Variants in AMZ2 observed in about 807,000 individuals in gnomAD.
The protein encoded by AMZ2 is archaelysin family metallopeptidase 2.
In AMZ2, 26 loss-of-function variants were observed where a neutral mutation model predicts 36.7. That is an observed-to-expected ratio of 0.71 (90% CI 0.52 to 0.98). The LOEUF (loss-of-function observed/expected upper bound fraction) is 0.98. AMZ2 is among the 50% of genes least tolerant of loss of function. The pLI, the probability that AMZ2 is intolerant of heterozygous loss-of-function variation, is 0.00. For synonymous variants in AMZ2, 144 were observed against 149.1 expected, an observed-to-expected ratio of 0.97 and a Z score of 0.25; for missense variants, 394 against 430.5, an observed-to-expected ratio of 0.92 and a Z score of 0.75.
chr17:68,216,187 G>A (rs1312692553), intron 1 of AMZ2, among the ~76,000 whole-genome samples: 1 of 152,148 alleles, frequency 6.6e-6, no homozygotes, highest in African/African-American at 2.4e-5. Flanking sequence ...AGGCTAGAGT[G>A]CAGTGGCATG....
At chr17:68,208,703 C>T (rs1555725012) in intron 1 of AMZ2, among the ~76,000 whole-genome samples, 1 of 152,198 alleles carries the variant, frequency 6.6e-6, no homozygotes, top group African/African-American at 2.4e-5. Flanking sequence ...TCCACACTGC[C>T]TTTACGAGCT....
At chr17:68,251,016 AC>A (rs1202713717) in intron 3 of AMZ2, 33 bp from the exon 4 acceptor site, 21 of 1,607,328 alleles carry the variant, frequency 1.3e-5, no homozygotes, top group Non-Finnish European at 2.5e-6. Flanking sequence ...TATATAATAT[AC>A]ACTCATACAT....
intron 1 of AMZ2, among the ~76,000 whole-genome samples, chr17:68,237,043 A>G (rs2073806577): frequency 6.6e-6 from 1 of 152,194 alleles, no homozygotes; most frequent in Non-Finnish European, 1.5e-5. Flanking sequence ...ATGACTACAT[A>G]ATATTTTATT....
At chr17:68,248,033 G>A (rs2074119170), upstream of AMZ2, 1 of 986,486 alleles carries the variant, frequency 1.0e-6, no homozygotes, top group Non-Finnish European at 1.2e-6. Flanking sequence ...CAGTGGGCGT[G>A]GCGTGGCGCA....
intron 1 of AMZ2, among the ~76,000 whole-genome samples, chr17:68,241,732 A>G (rs1395203078): frequency 8.0e-5 from 12 of 150,786 alleles, no homozygotes; most frequent in African/African-American, 2.9e-4. Context: ...TATTACTATT[A>G]TTATTATTAT....
intron 1 of AMZ2, among the ~76,000 whole-genome samples, chr17:68,222,015 A>G (rs2144549439): frequency 6.6e-6 from 1 of 152,376 alleles, no homozygotes; most frequent in South Asian, 2.1e-4. Context: ...AGGAAAAGCA[A>G]GATAGCTGAG....
In AMZ2 at chr17:68,210,332, C is replaced by T. The variant is rs1307733945; in HGVS notation, c.-67+4094C>T. Among the ~76,000 whole-genome samples the T allele has an allele frequency of 3.9e-5, 6 of 152,172 alleles. No homozygotes were observed. The East Asian group carries it at 9.6e-4, about 24-fold the overall frequency. The stretch of plus-strand genomic sequence containing the variant: ...ATGGATAACCCAAATGTGATTGATC[C>T]ATATAACAGATACATTATTCAGCCT... On this transcript the variant is annotated intron_variant, in intron 1 of 7. Coordinates refer to the AMZ2 transcript ENST00000674770.
intron 1 of AMZ2, among the ~76,000 whole-genome samples, chr17:68,236,245 C>T (rs1325405846): frequency 1.3e-5 from 2 of 151,944 alleles, no homozygotes; most frequent in African/African-American, 2.4e-5. Flanking sequence ...TTTATATGCA[C>T]ATTATATATA....
chr17:68,217,856 A>T (rs1480577412), intron 1 of AMZ2, among the ~76,000 whole-genome samples: 8 of 142,730 alleles, frequency 5.6e-5, no homozygotes, highest in Non-Finnish European at 1.2e-4. Context: ...TCTGTCGCCC[A>T]GGCTGGAGTA....
chr17:68,218,372 T>G (rs1465027396), intron 1 of AMZ2, among the ~76,000 whole-genome samples: 4 of 151,154 alleles, frequency 2.6e-5, no homozygotes, highest in African/African-American at 9.7e-5. Flanking sequence ...TTTTTTTTTG[T>G]AGAGACAGAG....
At chr17:68,208,734 C>T (rs1256953673) in intron 1 of AMZ2, among the ~76,000 whole-genome samples, 1 of 152,214 alleles carries the variant, frequency 6.6e-6, no homozygotes, top group Non-Finnish European at 1.5e-5. Context: ...CCGCGACGGT[C>T]TGCAGCTTCA....
chr17:68,246,618 AAC>A (rs368571309), upstream of AMZ2: 5 of 152,180 alleles, frequency 3.3e-5, no homozygotes, highest in African/African-American at 1.2e-4. Context: ...AAACTTTGAG[AAC>A]AGTCATGGTA....
At chr17:68,221,038 C>A (rs2144541697) in intron 1 of AMZ2, among the ~76,000 whole-genome samples, 1 of 152,092 alleles carries the variant, frequency 6.6e-6, no homozygotes. Context: ...CCCGCCTCGG[C>A]CCCGCAAAGT....
chr17:68,209,628 A>ATTTTTTTTTTTTTTTT (rs1322446681), intron 1 of AMZ2, among the ~76,000 whole-genome samples: 6 of 98,510 alleles, frequency 6.1e-5, no homozygotes, highest in African/African-American at 2.5e-4. Flanking sequence ...ATATATATAT[A>ATTTTTTTTTTTTTTTT]TATATTTTTT....
chr17:68,215,939 A>C (rs1555727135), intron 1 of AMZ2, among the ~76,000 whole-genome samples: 2 of 152,074 alleles, frequency 1.3e-5, no homozygotes, highest in Non-Finnish European at 2.9e-5. Flanking sequence ...CTCATTACAC[A>C]GTAATCAGTG....
intron 1 of AMZ2, among the ~76,000 whole-genome samples, chr17:68,224,877 C>A (rs781829568): frequency 6.6e-6 from 1 of 151,830 alleles, no homozygotes; most frequent in African/African-American, 2.4e-5. Context: ...CAGTTTCCCC[C>A]CAAAGAAACT....
At chr17:68,216,485 A>G (rs1389025036) in intron 1 of AMZ2, among the ~76,000 whole-genome samples, 2 of 152,186 alleles carry the variant, frequency 1.3e-5, no homozygotes, top group African/African-American at 2.4e-5. Flanking sequence ...CTAAATCTCA[A>G]AGAGGTTAAA....
upstream of AMZ2, chr17:68,248,020 C>T (rs1396363671): frequency 3.1e-5 from 31 of 986,428 alleles, no homozygotes; most frequent in Non-Finnish European, 3.7e-5. Flanking sequence ...AGGGGCGTGG[C>T]GCCAGTGGGC....
chr17:68,209,548 T>A (rs1221142124), intron 1 of AMZ2, among the ~76,000 whole-genome samples: 4 of 150,922 alleles, frequency 2.7e-5, no homozygotes, highest in African/African-American at 9.7e-5. Context: ...GGACTTCTTT[T>A]GTAAAATAAT....
Sources: gnomAD v4.1 joint callset for allele counts (sites outside exome capture counted in the v4.1 genomes callset) on GRCh38, gnomAD v4.1.1 for gene constraint, MANE v1.5 for transcripts, NCBI Gene and HGNC (gene_info 2026-07-23, HGNC 2026-07-21) for gene names.